The following UBXN7 variants were observed in gnomAD, a reference collection of about 807,000 sequenced individuals.
UBXN7 encodes the protein UBX domain-containing protein 7.
UBXN7 carries 9 observed loss-of-function variants against 58.0 expected under a neutral mutation model. That is an observed-to-expected ratio of 0.16 (90% CI 0.09 to 0.27). UBXN7 has a LOEUF of 0.27. Ranked by LOEUF, UBXN7 falls within the 10% of genes least tolerant of loss-of-function variation. UBXN7 has a pLI of 1.00. For missense variants in UBXN7, 328 were observed against 599.6 expected (o/e 0.55, Z 4.73); for synonymous variants, 208 against 205.0 (o/e 1.01, Z -0.12).
In UBXN7 at chr3:196,403,122, T is replaced by C. The variant is rs1035218308; in HGVS notation, c.222-103A>G. 1.9e-5 allele frequency: 23 copies of C among 1,186,680 alleles called. No homozygotes were observed. The African/African-American group carries it at 3.6e-4, about 19-fold the overall frequency. 73.5% of individuals were successfully genotyped at this position (1,186,680 alleles called of 1,614,324 possible). ...ATATTCAAATTAACGTAGTGACTTT[T>C]AGAAGCACAGTAATAATAAGTTTTT... is the stretch of plus-strand genomic sequence containing the variant. On this transcript the variant is annotated intron_variant, in intron 2 of 10. Coordinates refer to ENST00000296328, the MANE Select transcript of UBXN7 (RefSeq NM_015562.2).
intron 1 of UBXN7, among the ~76,000 whole-genome samples, chr3:196,419,876 A>G (rs532183468): frequency 2.2e-4 from 34 of 152,352 alleles, no homozygotes; most frequent in African/African-American, 7.9e-4. Flanking sequence ...AAAGGCAACT[A>G]AAAGTATTAA....
chr3:196,425,197 C>T (rs1234857608), intron 1 of UBXN7, among the ~76,000 whole-genome samples: 1 of 152,102 alleles, frequency 6.6e-6, no homozygotes, highest in South Asian at 2.1e-4. Context: ...CTGTTACATA[C>T]CTAGGTGTCC....
In UBXN7 at chr3:196,407,267, G is replaced by A. The variant is rs989742674; in HGVS notation, c.200C>T (p.Ser67Phe). The change falls in exon 2 of 11, where the codon TCT becomes TTT. Residue 67 changes from serine (S) to phenylalanine (F), a missense_variant. Coordinates refer to ENST00000296328, the MANE Select transcript of UBXN7 (RefSeq NM_015562.2). ...ATACTCTGTGTGTGGTCTGACAGTAGAGACACTTGCTGAACTGGTACTGGG... is the reference window on the plus strand; with the variant it reads ...ATACTCTGTGTGTGGTCTGACAGTAAAGACACTTGCTGAACTGGTACTGGG... Reference protein sequence around the residue: ...EEPSTSSASVSTVRPHTEEEV... With the variant: ...EEPSTSSASVFTVRPHTEEEV... 1 of 1,614,082 alleles carries A rather than the reference G, an allele frequency of 6.2e-7. No individual in the cohort carries two copies. The highest frequency in any genetic ancestry group is 2.2e-5 in the East Asian group (1 of 44,878).
At chr3:196,395,180 G>GACT (rs1428141276) in intron 3 of UBXN7, among the ~76,000 whole-genome samples, 1 of 152,194 alleles carries the variant, frequency 6.6e-6, no homozygotes, top group Non-Finnish European at 1.5e-5. Flanking sequence ...ATTAGACAGA[G>GACT]ACTACAGAAT....
intron 8 of UBXN7, among the ~76,000 whole-genome samples, chr3:196,364,365 T>C (rs1271399075): frequency 1.3e-5 from 2 of 152,206 alleles, no homozygotes; most frequent in African/African-American, 2.4e-5. Context: ...ATTGTGATAG[T>C]ATTTTTAAAA....
rs568449260 is a variant in UBXN7 at position 196,428,391 on chromosome 3, T to C, written c.73+3936A>G. Among the ~76,000 whole-genome samples the C allele has an allele frequency of 6.2e-5, 9 of 144,910 alleles. No individual in the cohort carries two copies. In the South Asian group the frequency reaches 2.0e-3, roughly 32 times the overall value. On this transcript the variant is annotated intron_variant, in intron 1 of 10. Transcript: ENST00000296328. ...ATCACTTGAGCCCAGGCGGTAAGGATGCAGCAAGCTATAATTGTGCCACTG... is the reference window on the plus strand; with the variant it reads ...ATCACTTGAGCCCAGGCGGTAAGGACGCAGCAAGCTATAATTGTGCCACTG...
chr3:196,409,056 C>T (rs1560238934), intron 1 of UBXN7, among the ~76,000 whole-genome samples: 1 of 152,134 alleles, frequency 6.6e-6, no homozygotes, highest in Admixed American at 6.6e-5. Context: ...CACTCTAACC[C>T]TTATGTCTCA....
At chr3:196,365,412 TTTC>T (rs1728637313) in intron 8 of UBXN7, among the ~76,000 whole-genome samples, 1 of 152,122 alleles carries the variant, frequency 6.6e-6, no homozygotes. Context: ...TTGTTTTTTG[TTTC>T]TTAAGAGACA....
intron 5 of UBXN7, among the ~76,000 whole-genome samples, chr3:196,385,347 C>T (rs1212882799): frequency 6.6e-6 from 1 of 152,152 alleles, no homozygotes; most frequent in Non-Finnish European, 1.5e-5. Flanking sequence ...GATCTCGGCT[C>T]GCTACAACCT....
chr3:196,430,892 T>C (rs1731010414), intron 1 of UBXN7, among the ~76,000 whole-genome samples: 1 of 152,184 alleles, frequency 6.6e-6, no homozygotes, highest in Non-Finnish European at 1.5e-5. Flanking sequence ...CAATCCTTTA[T>C]ATCTTCAATA....
intron 10 of UBXN7, among the ~76,000 whole-genome samples, chr3:196,359,714 G>A (rs1479997333): frequency 6.6e-6 from 1 of 152,128 alleles, no homozygotes; most frequent in East Asian, 1.9e-4. Context: ...AGACCAGCCT[G>A]GCCAACATGG....
At chr3:196,372,328 T>TCTCTCTCTCTCTCTCTCTCTC (rs1173128048) in intron 5 of UBXN7, among the ~76,000 whole-genome samples, 1 of 103,868 alleles carries the variant, frequency 9.6e-6, no homozygotes, top group Non-Finnish European at 2.2e-5. Flanking sequence ...CTCTCTCTCC[T>TCTCTCTCTCTCTCTCTCTCTC]TTCTTTCTTT....
intron 2 of UBXN7, among the ~76,000 whole-genome samples, chr3:196,405,038 C>T (rs1730117828): frequency 6.6e-6 from 1 of 152,122 alleles, no homozygotes. Context: ...CCTATAGTCC[C>T]AGCTACTTGA....
At chr3:196,380,119 G>A (rs994296932) in intron 5 of UBXN7, among the ~76,000 whole-genome samples, 113 of 152,030 alleles carry the variant, frequency 7.4e-4, no homozygotes, top group Non-Finnish European at 1.0e-4. Flanking sequence ...GCGTGGTGGC[G>A]GGCGCCTGTG....
intron 1 of UBXN7, among the ~76,000 whole-genome samples, chr3:196,410,014 C>T (rs1171173047): frequency 1.3e-5 from 2 of 150,398 alleles, no homozygotes; most frequent in Non-Finnish European, 2.9e-5. Flanking sequence ...GATCTTGGCT[C>T]ACTACAACCT....
intron 10 of UBXN7, among the ~76,000 whole-genome samples, 158 bp downstream of exon 10, chr3:196,361,686 A>G (rs1033213544): frequency 6.6e-6 from 1 of 152,178 alleles, no homozygotes; most frequent in African/African-American, 2.4e-5. Context: ...GCTTTTTTTA[A>G]TTAAGTTATG....
rs55746914 is a variant in UBXN7, at chr3:196,412,230, C to CAAAAAAA, written c.74-4844_74-4838dup. ...TGGGTGACAGAGCGAGACTTTGTCT[C>CAAAAAAA]AAAAAAAAAAAAAAAAAAAGAAAAA... is the stretch of plus-strand genomic sequence containing the variant. On this transcript the variant is annotated intron_variant, in intron 1 of 10. Transcript: ENST00000296328. Among the ~76,000 whole-genome samples, 60 of 88,278 alleles carry CAAAAAAA rather than the reference C, an allele frequency of 6.8e-4. 1 individual carries two copies. Among genetic ancestry groups the CAAAAAAA allele is most frequent in the African/African-American group, 1.2e-3 (24 of 20,046 alleles). The allele number at this position is 88,278 out of a possible 152,430, so 57.9% of individuals were successfully genotyped here.
chr3:196,370,857 C>CAAAA (rs11347018), intron 6 of UBXN7, among the ~76,000 whole-genome samples: 10 of 86,276 alleles, frequency 1.2e-4, no homozygotes, highest in South Asian at 6.9e-4. Context: ...CCCATCTCTA[C>CAAAA]AAAAAAAAAA....
At chr3:196,366,465 T>C (rs568908340) in intron 8 of UBXN7, among the ~76,000 whole-genome samples, 1 of 152,016 alleles carries the variant, frequency 6.6e-6, no homozygotes, top group African/African-American at 2.4e-5. Context: ...AGCAAGTTTT[T>C]TTTTTTTTTA....
Sources: gnomAD v4.1 joint callset for allele counts (sites outside exome capture counted in the v4.1 genomes callset) on GRCh38, gnomAD v4.1.1 for gene constraint, MANE v1.5 for transcripts, NCBI Gene and HGNC (gene_info 2026-07-23, HGNC 2026-07-21) for gene names.